Variants in GRIK1 observed in about 807,000 individuals in gnomAD.
GRIK1 encodes glutamate receptor ionotropic, kainate 1.
GRIK1 carries 69 observed loss-of-function variants against 105.7 expected under a neutral mutation model. That is an observed-to-expected ratio of 0.65 (90% CI 0.54 to 0.80). GRIK1 has a LOEUF of 0.80. Ranked by LOEUF, GRIK1 falls within the 30% of genes least tolerant of loss-of-function variation. GRIK1 has a pLI of 0.00. For missense variants in GRIK1, 1,109 were observed against 1,167.3 expected (o/e 0.95, Z 0.73); for synonymous variants, 438 against 431.3 (o/e 1.02, Z -0.19).
intron 1 of GRIK1, among the ~76,000 whole-genome samples, chr21:29,873,854 G>A (rs2069102137): frequency 6.6e-6 from 1 of 152,198 alleles, no homozygotes; most frequent in South Asian, 2.1e-4. Flanking sequence ...CCAGGGACTA[G>A]TTTCGTGGAA....
intron 7 of GRIK1, among the ~76,000 whole-genome samples, chr21:29,625,421 G>T (rs1297633622): frequency 6.6e-6 from 1 of 152,062 alleles, no homozygotes; most frequent in Non-Finnish European, 1.5e-5. Context: ...TGATTATCTG[G>T]CCTCTGCTGA....
At chr21:29,669,366 C>T (rs2146630923) in intron 4 of GRIK1, among the ~76,000 whole-genome samples, 1 of 152,316 alleles carries the variant, frequency 6.6e-6, no homozygotes, top group East Asian at 1.9e-4. Context: ...GAGGGTACCA[C>T]ATTGACCTGG....
intron 4 of GRIK1, among the ~76,000 whole-genome samples, chr21:29,669,926 T>G (rs2063132203): frequency 6.6e-6 from 1 of 152,142 alleles, no homozygotes; most frequent in Non-Finnish European, 1.5e-5. Context: ...ATGGAGCAAG[T>G]TAAGCTGGAT....
chr21:29,875,001 G>GT (rs72244599), intron 1 of GRIK1, among the ~76,000 whole-genome samples: 95,227 of 142,934 alleles, frequency 0.67, 34,005 homozygotes, highest in Non-Finnish European at 0.82. Flanking sequence ...TAGTTTCAGG[G>GT]TTTTTTTTTT....
At chr21:29,710,011 T>C (rs1307701605) in intron 1 of GRIK1, among the ~76,000 whole-genome samples, 1 of 151,860 alleles carries the variant, frequency 6.6e-6, no homozygotes, top group Non-Finnish European at 1.5e-5. Flanking sequence ...CCATTATTTA[T>C]GGTTTGGAAG....
At chr21:29,660,991 A>G (rs547347405) in intron 4 of GRIK1, among the ~76,000 whole-genome samples, 2 of 152,210 alleles carry the variant, frequency 1.3e-5, no homozygotes, top group African/African-American at 4.8e-5. Flanking sequence ...GCTCTTTTTT[A>G]TTTGCTAACT....
intron 1 of GRIK1, among the ~76,000 whole-genome samples, chr21:29,886,294 T>C (rs189350838): frequency 3.5e-4 from 54 of 152,270 alleles, no homozygotes; most frequent in African/African-American, 1.2e-3. Flanking sequence ...TATGCTCTCT[T>C]TTGCCTCACT....
chr21:29,843,468 C>T (rs2068034255), intron 1 of GRIK1, among the ~76,000 whole-genome samples: 2 of 152,180 alleles, frequency 1.3e-5, no homozygotes, highest in Non-Finnish European at 2.9e-5. Context: ...ACAGATATGA[C>T]ACTGCTGATT....
At chr21:29,630,813 A>G (rs2062251193) in intron 7 of GRIK1, 4 of 356,294 alleles carry the variant, frequency 1.1e-5, no homozygotes, top group South Asian at 8.7e-5. Context: ...TGTTTTTGAG[A>G]CAGGCTCTCT....
At chr21:29,592,000 G>A (rs780104830) in intron 9 of GRIK1, among the ~76,000 whole-genome samples, 24 of 152,316 alleles carry the variant, frequency 1.6e-4, no homozygotes, top group South Asian at 6.2e-4. Flanking sequence ...GCAGTGAGCC[G>A]TGATTGCACC....
rs1555834206 is a variant in GRIK1 at position 29,555,224 on chromosome 21, T to A, written c.2435A>T (p.Lys812Met). ...EEGKLHMMKE[K>M]WWRGNGCPEE... is the part of the protein sequence containing the mutation. Reference sequence around the variant, plus strand: ...GGGGCAGCCATTCCCACGCCACCACTTCTCTTTCATCATATGCAGCTTCCC... The same window carrying A: ...GGGGCAGCCATTCCCACGCCACCACATCTCTTTCATCATATGCAGCTTCCC... The change falls in exon 16 of 18, where the codon AAG (lysine) becomes ATG (methionine). Residue 812 changes from lysine to methionine, a missense_variant. This residue lies in a region of GRIK1 where 18 missense variants were observed against 42.8 expected (regional missense o/e 0.42). Transcript: ENST00000327783. The A allele has an allele frequency of 6.2e-7, 1 of 1,613,868 alleles. No homozygotes were observed. The highest frequency in any genetic ancestry group is 8.5e-7 in the Non-Finnish European group (1 of 1,179,820).
chr21:29,869,446 G>T (rs2068936049), intron 1 of GRIK1, among the ~76,000 whole-genome samples: 1 of 152,202 alleles, frequency 6.6e-6, no homozygotes, highest in Admixed American at 6.5e-5. Context: ...AAAAGAGTTT[G>T]CTCTGGAATA....
At chr21:29,799,347 T>TA (rs2066642398) in intron 1 of GRIK1, among the ~76,000 whole-genome samples, 1 of 152,194 alleles carries the variant, frequency 6.6e-6, no homozygotes, top group Non-Finnish European at 1.5e-5. Flanking sequence ...ATGTCTCACT[T>TA]AAGGTAGAGA....
intron 1 of GRIK1, among the ~76,000 whole-genome samples, chr21:29,773,162 A>AT (rs2065855308): frequency 6.6e-6 from 1 of 152,186 alleles, no homozygotes; most frequent in Non-Finnish European, 1.5e-5. Flanking sequence ...TTAGTTATAT[A>AT]AAAACAAAGC....
chr21:29,635,893 A>T (rs2062389081), intron 7 of GRIK1, among the ~76,000 whole-genome samples: 1 of 152,186 alleles, frequency 6.6e-6, no homozygotes, highest in African/African-American at 2.4e-5. Flanking sequence ...CCATCACCCA[A>T]TGAGTAAAAG....
chr21:29,921,609 A>T (rs1465279993), intron 1 of GRIK1, among the ~76,000 whole-genome samples: 1 of 152,134 alleles, frequency 6.6e-6, no homozygotes, highest in Admixed American at 6.5e-5. Context: ...TTCAAGAAAA[A>T]GTTGAGTTTT....
intron 5 of GRIK1, among the ~76,000 whole-genome samples, chr21:29,651,822 TCTCAGAACATATACCC>T (rs1316568504): frequency 6.7e-6 from 1 of 149,024 alleles, no homozygotes; most frequent in Non-Finnish European, 1.5e-5. Context: ...CTATTGGAGG[TCTCAGAACATATACCC>T]ATTGGATAAA....
At chr21:29,709,233 C>G (rs1488886060) in intron 1 of GRIK1, among the ~76,000 whole-genome samples, 1 of 150,306 alleles carries the variant, frequency 6.7e-6, no homozygotes, top group Non-Finnish European at 1.5e-5. Flanking sequence ...CTAAAACTTG[C>G]TGGTAAATAA....
At chr21:29,889,756 A>G (rs2146215365) in intron 1 of GRIK1, among the ~76,000 whole-genome samples, 1 of 152,212 alleles carries the variant, frequency 6.6e-6, no homozygotes, top group East Asian at 1.9e-4. Context: ...GTGTTTCAGC[A>G]AAGAGCAAAT....
Sources: allele counts gnomAD v4.1 joint callset (sites outside exome capture counted in the v4.1 genomes callset), GRCh38; gene constraint gnomAD v4.1.1; regional missense constraint gnomAD v4.1.1; transcripts MANE v1.5; gene names NCBI Gene and HGNC (gene_info 2026-07-23, HGNC 2026-07-21).